GMFB: variants seen among roughly 807,000 people sequenced by gnomAD.
GMFB encodes GMF-beta.
GMFB carries 13 observed loss-of-function variants against 25.6 expected under a neutral mutation model. The ratio of observed to expected loss-of-function variants is 0.51; its 90% CI spans 0.33 to 0.81. GMFB has a LOEUF of 0.81. GMFB is among the 30% of genes least tolerant of loss of function. The probability of loss-of-function intolerance (pLI) is 0.02; values close to 1 mark genes in which losing one functional copy is unlikely to be tolerated. For synonymous variants in GMFB, 57 were observed against 56.9 expected, an observed-to-expected ratio of 1.00 and a Z score of 0.00; for missense variants, 146 against 175.4, an observed-to-expected ratio of 0.83 and a Z score of 0.95.
chr14:54,483,404 C>T (rs975444605), intron 2 of GMFB: 1 of 382,880 alleles, frequency 2.6e-6, no homozygotes, highest in African/African-American at 2.1e-5. Context: ...TGGGAATCCT[C>T]ATTACCCAAG....
At chr14:54,485,572 G>A (rs538998707) in intron 1 of GMFB, among the ~76,000 whole-genome samples, 5 of 152,232 alleles carry the variant, frequency 3.3e-5, no homozygotes, top group Admixed American at 6.5e-5. Flanking sequence ...ACATAATATT[G>A]TTAAAATGTC....
intron 5 of GMFB, chr14:54,480,071 TG>T: frequency 2.3e-6 from 1 of 427,526 alleles, no homozygotes. Flanking sequence ...GTCTACAGGT[TG>T]GCAAAAATAA....
At chr14:54,480,647 A>G in intron 5 of GMFB, 2 of 374,720 alleles carry the variant, frequency 5.3e-6, no homozygotes, top group Non-Finnish European at 4.8e-6. Flanking sequence ...TGAGTCAACA[A>G]TTACACGTCT....
intron 4 of GMFB, 122 bp downstream of exon 4, chr14:54,481,286 CA>C: frequency 1.4e-6 from 1 of 706,572 alleles, no homozygotes; most frequent in African/African-American, 1.8e-5. Flanking sequence ...TATATGCACA[CA>C]TATTTTAATT....
In GMFB at chr14:54,488,184, C is replaced by T. The variant is rs1482737768; in HGVS notation, c.3+741G>A. 2.0e-5 allele frequency among the ~76,000 whole-genome samples: 3 copies of T among 152,174 alleles called. No homozygotes were observed. In the East Asian group the frequency reaches 5.8e-4, roughly 29 times the overall value. The stretch of plus-strand genomic sequence containing the variant: ...AATGAAATTTACCCATATTTTAAAA[C>T]CTAATGGGATGGATCCAAAAGATCC... On this transcript the variant is annotated intron_variant, in intron 1 of 6. Coordinates refer to ENST00000358056, the MANE Select transcript of GMFB (RefSeq NM_004124.3).
intron 1 of GMFB, among the ~76,000 whole-genome samples, chr14:54,487,070 G>A (rs891151726): frequency 2.0e-5 from 3 of 152,192 alleles, no homozygotes; most frequent in Admixed American, 6.5e-5. Flanking sequence ...AAGCTTCCCA[G>A]GGGAATGGTA....
rs745517459 is a variant in GMFB at position 54,488,948 on chromosome 14, GC to G, written c.-22del. On this transcript the variant is annotated 5_prime_UTR_variant, in exon 1 of 7. Coordinates refer to ENST00000358056, the MANE Select transcript of GMFB (RefSeq NM_004124.3). The stretch of plus-strand genomic sequence containing the variant: ...ACCATTTTCCTTCCGGCCGTCAGCG[GC>G]CTGTCGCCTACACTCGGGCGCCTTT... 1 of 1,558,640 alleles carries G rather than the reference GC, an allele frequency of 6.4e-7. No individual in the cohort carries two copies. Among genetic ancestry groups the G allele is most frequent in the East Asian group, 2.6e-5 (1 of 38,022 alleles).
chr14:54,482,029 C>A, intron 3 of GMFB, 124 bp downstream of exon 3: 2 of 650,050 alleles, frequency 3.1e-6, no homozygotes, highest in Non-Finnish European at 5.6e-6. Context: ...TGCTTTTATG[C>A]ATAATGAGCA....
chr14:54,487,965 C>T (rs2031810974), intron 1 of GMFB, among the ~76,000 whole-genome samples: 1 of 151,942 alleles, frequency 6.6e-6, no homozygotes, highest in Admixed American at 6.6e-5. Flanking sequence ...ATCCCAGAAG[C>T]CAAAGGGGAA....
chr14:54,488,542 C>A, intron 1 of GMFB: 1 of 222,028 alleles, frequency 4.5e-6, no homozygotes, highest in Non-Finnish European at 8.8e-6. Context: ...GGCCACGGCC[C>A]TGGCAGGGAA....
At chr14:54,486,782 C>A (rs752394220) in intron 1 of GMFB, among the ~76,000 whole-genome samples, 2 of 150,838 alleles carry the variant, frequency 1.3e-5, no homozygotes, top group Non-Finnish European at 3.0e-5. Flanking sequence ...GGTTAAGTAT[C>A]TTTCCCCAAT....
intron 6 of GMFB, chr14:54,478,470 G>A (rs1237530908): frequency 5.6e-6 from 1 of 178,250 alleles, no homozygotes; most frequent in African/African-American, 2.3e-5. Flanking sequence ...TAAAAGAGCA[G>A]TTCTGTAAAT....
At chr14:54,486,417 G>A (rs2031783567) in intron 1 of GMFB, among the ~76,000 whole-genome samples, 1 of 152,120 alleles carries the variant, frequency 6.6e-6, no homozygotes, top group African/African-American at 2.4e-5. Context: ...AGATTTTTTT[G>A]AGTAAGACCT....
intron 1 of GMFB, among the ~76,000 whole-genome samples, chr14:54,487,418 C>T (rs2031801579): frequency 6.6e-6 from 1 of 152,228 alleles, no homozygotes; most frequent in Admixed American, 6.5e-5. Context: ...GCCTGTAGTC[C>T]CAGCTACTCG....
intron 1 of GMFB, among the ~76,000 whole-genome samples, chr14:54,488,065 T>C (rs1422813003): frequency 6.6e-6 from 1 of 152,094 alleles, no homozygotes; most frequent in East Asian, 1.9e-4. Context: ...CTGAAAAGAA[T>C]CCATTCGATT....
At chr14:54,484,606 A>C (rs767795435) in intron 1 of GMFB, among the ~76,000 whole-genome samples, 12 of 152,180 alleles carry the variant, frequency 7.9e-5, no homozygotes, top group Non-Finnish European at 1.3e-4. Flanking sequence ...GAATTCTACC[A>C]AAGATTTAAA....
In GMFB at chr14:54,474,709, A is replaced by G. The variant is rs1450002001; in HGVS notation, c.*3379T>C. ...AATGAGATTATCTTGGACCATCTAAATCAGTGGGAACTGCCCTGGCATGTT... is the reference window on the plus strand; with the variant it reads ...AATGAGATTATCTTGGACCATCTAAGTCAGTGGGAACTGCCCTGGCATGTT... On this transcript the variant is annotated 3_prime_UTR_variant, in exon 7 of 7. Coordinates refer to ENST00000358056, the MANE Select transcript of GMFB (RefSeq NM_004124.3). 4.6e-5 allele frequency: 7 copies of G among 152,634 alleles called. No homozygotes were observed. Among genetic ancestry groups the G allele is most frequent in the African/African-American group, 1.7e-4 (7 of 41,452 alleles). The allele number at this position is 152,634 out of a possible 1,614,324, so 9.5% of individuals were successfully genotyped here. A position where few individuals can be genotyped will look rare whatever the true frequency, so the allele number is the denominator to read the frequency against.
At chr14:54,485,656 A>G (rs2031771322) in intron 1 of GMFB, among the ~76,000 whole-genome samples, 1 of 152,220 alleles carries the variant, frequency 6.6e-6, no homozygotes, top group Admixed American at 6.5e-5. Context: ...TAAAAGCAAG[A>G]GAGAAAAGAT....
In GMFB at chr14:54,476,257, A is replaced by G. The variant is rs2031639139; in HGVS notation, c.*1831T>C. On this transcript the variant is annotated 3_prime_UTR_variant, in exon 7 of 7. Coordinates refer to ENST00000358056, the MANE Select transcript of GMFB (RefSeq NM_004124.3). ...ACCTCCAAATTTAAAAATAAGCAAAACTAAAACATGCAAGACAAAATAAGG... is the reference window on the plus strand; with the variant it reads ...ACCTCCAAATTTAAAAATAAGCAAAGCTAAAACATGCAAGACAAAATAAGG... 1 of 152,006 alleles carries G rather than the reference A, an allele frequency of 6.6e-6. No individual in the cohort carries two copies. The highest frequency in any genetic ancestry group is 1.5e-5 in the Non-Finnish European group (1 of 67,888). The allele number at this position is 152,006 out of a possible 1,614,324, so 9.4% of individuals were successfully genotyped here.
Sources: allele counts gnomAD v4.1 joint callset (sites outside exome capture counted in the v4.1 genomes callset), GRCh38; gene constraint gnomAD v4.1.1; transcripts MANE v1.5; gene names NCBI Gene and HGNC (gene_info 2026-07-23, HGNC 2026-07-21).